CDH13: variants seen among roughly 807,000 people sequenced by gnomAD.
The protein encoded by CDH13 is cadherin 13.
A neutral mutation model predicts 63.8 loss-of-function variants in CDH13; 24 were observed. That is an observed-to-expected ratio of 0.38 (90% CI 0.27 to 0.53). CDH13 has a LOEUF of 0.53. Among genes scored for constraint, CDH13 ranks in the 20% least tolerant of loss-of-function variants. The pLI, the probability that CDH13 is intolerant of heterozygous loss-of-function variation, is 0.85. For missense variants in CDH13, 1,049 were observed against 903.1 expected (o/e 1.16, Z -2.07); for synonymous variants, 503 against 355.3 (o/e 1.42, Z -4.67).
At chr16:83,504,462 T>C (rs1359302208) in intron 7 of CDH13, among the ~76,000 whole-genome samples, 1 of 152,228 alleles carries the variant, frequency 6.6e-6, no homozygotes, top group Non-Finnish European at 1.5e-5. Context: ...GCCTGTCCAG[T>C]GTCGCTACCA....
At chr16:83,021,440 G>A (rs1279301748) in intron 2 of CDH13, among the ~76,000 whole-genome samples, 1 of 152,234 alleles carries the variant, frequency 6.6e-6, no homozygotes, top group African/African-American at 2.4e-5. Flanking sequence ...GAGAACGTAA[G>A]ACTGACACAC....
intron 3 of CDH13, among the ~76,000 whole-genome samples, chr16:83,057,362 G>C (rs1004349558): frequency 2.0e-5 from 3 of 152,132 alleles, no homozygotes; most frequent in African/African-American, 7.2e-5. Context: ...AGGTTTCTGA[G>C]ATCATGACAG....
intron 8 of CDH13, among the ~76,000 whole-genome samples, chr16:83,634,128 T>C (rs1242720984): frequency 1.0e-5 from 1 of 97,324 alleles, no homozygotes; most frequent in Non-Finnish European, 2.2e-5. Flanking sequence ...TGTGTGTGTG[T>C]GTGTGTATGT....
At chr16:82,906,533 G>C (rs989579276) in intron 2 of CDH13, among the ~76,000 whole-genome samples, 1 of 152,174 alleles carries the variant, frequency 6.6e-6, no homozygotes, top group African/African-American at 2.4e-5. Context: ...CTGTGACAAA[G>C]GCTGGTTTCT....
chr16:83,471,035 C>A (rs985761842), intron 6 of CDH13, among the ~76,000 whole-genome samples: 2 of 152,062 alleles, frequency 1.3e-5, no homozygotes, highest in Non-Finnish European at 2.9e-5. Flanking sequence ...TGTGGCGTCT[C>A]CAGATATCTT....
chr16:82,801,780 T>A (rs930396197), intron 1 of CDH13, among the ~76,000 whole-genome samples: 2 of 152,242 alleles, frequency 1.3e-5, no homozygotes, highest in African/African-American at 4.8e-5. Context: ...AACTGTTGAA[T>A]CTATACAGGT....
chr16:83,047,828 A>G lies in CDH13; in HGVS notation c.366+15610A>G, dbSNP rs1917940937. Among the ~76,000 whole-genome samples the G allele has an allele frequency of 6.6e-6, 1 of 152,232 alleles. No individual in the cohort carries two copies. Among genetic ancestry groups the G allele is most frequent in the East Asian group, 1.9e-4 (1 of 5,200 alleles). On this transcript the variant is annotated intron_variant, in intron 3 of 13. Coordinates refer to ENST00000567109, the MANE Select transcript of CDH13 (RefSeq NM_001257.5). This position sits in a 1 kb window ranked among gnomAD's most constrained non-coding sequence, Gnocchi z 4.9. ...AAGTGCATTTCTTACATTAAGTCATATAATCTTTATAATAACTCTATAATA... is the reference window on the plus strand; with the variant it reads ...AAGTGCATTTCTTACATTAAGTCATGTAATCTTTATAATAACTCTATAATA...
chr16:82,823,157 T>C (rs1203101173), intron 1 of CDH13: 1 of 152,202 alleles, frequency 6.6e-6, no homozygotes, highest in Non-Finnish European at 1.5e-5. Flanking sequence ...TTTTATGACT[T>C]AGTGTCAGAA....
chr16:83,477,704 A>T (rs971672331), intron 6 of CDH13, among the ~76,000 whole-genome samples: 2 of 152,164 alleles, frequency 1.3e-5, no homozygotes, highest in African/African-American at 4.8e-5. Context: ...CTCATCAACA[A>T]CATCTAATTC....
At chr16:83,117,458 C>G (rs887646056) in intron 3 of CDH13, among the ~76,000 whole-genome samples, 1 of 152,144 alleles carries the variant, frequency 6.6e-6, no homozygotes, top group African/African-American at 2.4e-5. Flanking sequence ...AGCACCCTCT[C>G]CCCCTGAGCA....
At position 82,896,276 on chromosome 16, in the gene CDH13, A is replaced by ATTTTTTTTTTTTTTTTTTTTTTTT. The variant is rs59677448; in HGVS notation, c.157+37813_157+37836dup. Among the ~76,000 whole-genome samples, 15 of 87,860 alleles carry ATTTTTTTTTTTTTTTTTTTTTTTT rather than the reference A, an allele frequency of 1.7e-4. 1 individual carries two copies. Among genetic ancestry groups the ATTTTTTTTTTTTTTTTTTTTTTTT allele is most frequent in the East Asian group, 1.4e-3 (2 of 1,430 alleles). 57.6% of individuals were successfully genotyped at this position (87,860 alleles called of 152,430 possible). A position where few individuals can be genotyped will look rare whatever the true frequency, so the allele number is the denominator to read the frequency against. On this transcript the variant is annotated intron_variant, in intron 2 of 13. Coordinates refer to ENST00000567109, the MANE Select transcript of CDH13 (RefSeq NM_001257.5). ...GAGTCTTCTGAGAACTAGGATTAGG[A>ATTTTTTTTTTTTTTTTTTTTTTTT]TTTTTTTTTTTTTTTTTTTTTTTTT...
chr16:82,772,157 A>T (rs1391017077), intron 1 of CDH13, among the ~76,000 whole-genome samples: 1 of 152,190 alleles, frequency 6.6e-6, no homozygotes, highest in Non-Finnish European at 1.5e-5. Context: ...GGTTGACCCC[A>T]CTGACAGCTT....
intron 1 of CDH13, among the ~76,000 whole-genome samples, chr16:82,850,490 T>A (rs1398127173): frequency 1.3e-5 from 2 of 152,182 alleles, no homozygotes; most frequent in African/African-American, 4.8e-5. Context: ...CTAATCCTGG[T>A]GAAGATGCTG....
intron 5 of CDH13, among the ~76,000 whole-genome samples, chr16:83,321,358 T>G (rs550786332): frequency 3.0e-4 from 46 of 152,296 alleles, no homozygotes; most frequent in African/African-American, 1.0e-3. Context: ...GTTGATCAAC[T>G]TGGAGGCACG....
chr16:83,620,322 C>T (rs1294896910), intron 8 of CDH13, among the ~76,000 whole-genome samples: 1 of 139,362 alleles, frequency 7.2e-6, no homozygotes, highest in African/African-American at 2.7e-5. Flanking sequence ...ACCCAGGAGG[C>T]GGAGGTTGCA....
intron 7 of CDH13, among the ~76,000 whole-genome samples, chr16:83,591,659 C>T (rs1387606331): frequency 2.0e-5 from 3 of 152,200 alleles, no homozygotes; most frequent in Non-Finnish European, 4.4e-5. Flanking sequence ...TCCTTCAAAG[C>T]TCAGCTGCAG....
intron 1 of CDH13, among the ~76,000 whole-genome samples, chr16:82,796,656 TA>T (rs1311032433): frequency 6.6e-6 from 1 of 152,262 alleles, no homozygotes; most frequent in Non-Finnish European, 1.5e-5. Context: ...TCCATATGTG[TA>T]ATGCCTCGCT....
chr16:82,745,382 A>T (rs1267730687), intron 1 of CDH13, among the ~76,000 whole-genome samples: 2 of 152,262 alleles, frequency 1.3e-5, no homozygotes, highest in Non-Finnish European at 2.9e-5. Context: ...CCATAAAGTC[A>T]GCAGTAACAA....
chr16:82,943,771 T>A (rs1904387103), intron 2 of CDH13, among the ~76,000 whole-genome samples: 1 of 152,240 alleles, frequency 6.6e-6, no homozygotes, highest in Non-Finnish European at 1.5e-5. Context: ...CACAGATGTC[T>A]CTCAAGGTAG....
Sources: allele counts gnomAD v4.1 joint callset (sites outside exome capture counted in the v4.1 genomes callset), GRCh38; gene constraint gnomAD v4.1.1; non-coding constraint Gnocchi (gnomAD v3.1); transcripts MANE v1.5; gene names NCBI Gene and HGNC (gene_info 2026-07-23, HGNC 2026-07-21).